Variants in DCUN1D4 observed in about 807,000 individuals in gnomAD.
DCUN1D4 encodes defective in cullin neddylation 1 domain containing 4, also known as DCN1-like protein 4.
DCUN1D4 carries 22 observed loss-of-function variants against 47.9 expected under a neutral mutation model. The ratio of observed to expected loss-of-function variants is 0.46; its 90% CI spans 0.33 to 0.66. DCUN1D4 has a LOEUF of 0.66. Among genes scored for constraint, DCUN1D4 ranks in the 30% least tolerant of loss-of-function variants. The probability of loss-of-function intolerance (pLI) is 0.02; values close to 1 mark genes in which losing one functional copy is unlikely to be tolerated. For missense variants in DCUN1D4, 301 were observed against 340.8 expected, an observed-to-expected ratio of 0.88 and a Z score of 0.92; for synonymous variants, 121 against 112.2, an observed-to-expected ratio of 1.08 and a Z score of -0.50.
intron 5 of DCUN1D4, 36 bp from the exon 6 acceptor site, chr4:51,886,532 G>A: frequency 1.9e-6 from 3 of 1,578,468 alleles, no homozygotes; most frequent in Non-Finnish European, 2.6e-6. Context: ...TGGTGTGCAT[G>A]GTCAGATTTA....
chr4:51,834,114 C>CTT, the DCUN1D4 span, among the ~76,000 whole-genome samples: 15 of 37,198 alleles, frequency 4.0e-4, no homozygotes, highest in South Asian at 1.4e-3. Context: ...TTTTTTTTTT[C>CTT]TTTTTTTTTT....
chr4:51,900,417 G>A (rs1405667071), intron 8 of DCUN1D4, among the ~76,000 whole-genome samples: 1 of 151,914 alleles, frequency 6.6e-6, no homozygotes, highest in African/African-American at 2.4e-5. Context: ...TGATAAAATG[G>A]CATTTGCATA....
intron 3 of DCUN1D4, among the ~76,000 whole-genome samples, chr4:51,869,947 T>C (rs1726615853): frequency 6.6e-6 from 1 of 151,872 alleles, no homozygotes; most frequent in African/African-American, 2.4e-5. Context: ...ATAATAATCT[T>C]TGGGCAAAAA....
intron 7 of DCUN1D4, among the ~76,000 whole-genome samples, chr4:51,893,897 C>A (rs915761743): frequency 6.6e-6 from 1 of 152,136 alleles, no homozygotes; most frequent in African/African-American, 2.4e-5. Flanking sequence ...GTACTGAGTT[C>A]TTTACGAAAG....
At position 51,915,945 on chromosome 4, in the gene DCUN1D4, G is replaced by A. The variant is rs567319438; in HGVS notation, c.*2361G>A. 6.6e-6 allele frequency: 1 copy of A among 152,526 alleles called. No homozygotes were observed. The highest frequency in any genetic ancestry group is 6.5e-5 in the Admixed American group (1 of 15,270). 9.4% of individuals were successfully genotyped at this position (152,526 alleles called of 1,614,324 possible). ...ACCTCTTTGACTGCTGAGCGGCAGA[G>A]TGCTTACCCTTGATTGTCTTGATTT... On this transcript the variant is annotated 3_prime_UTR_variant, in exon 11 of 11. Coordinates refer to ENST00000334635, the MANE Select transcript of DCUN1D4 (RefSeq NM_001040402.3).
chr4:51,860,915 G>A (rs140220485), intron 1 of DCUN1D4, among the ~76,000 whole-genome samples: 16 of 152,244 alleles, frequency 1.1e-4, no homozygotes, highest in African/African-American at 3.9e-4. Context: ...CTCTGACCTT[G>A]GGATCATTGA....
At chr4:51,834,042 T>TTCTCTCTCTCTCTCTC in the DCUN1D4 span, among the ~76,000 whole-genome samples, 1 of 51,882 alleles carries the variant, frequency 1.9e-5, no homozygotes, top group Non-Finnish European at 3.2e-5. Flanking sequence ...TTAGGAGTCT[T>TTCTCTCTCTCTCTCTC]TCTCTCTCTC....
At chr4:51,872,857 G>T (rs1727110225) in intron 3 of DCUN1D4, among the ~76,000 whole-genome samples, 1 of 152,244 alleles carries the variant, frequency 6.6e-6, no homozygotes, top group South Asian at 2.1e-4. Flanking sequence ...AGTGAATGCT[G>T]AAGGCCGCCA....
intron 1 of DCUN1D4, among the ~76,000 whole-genome samples, chr4:51,849,823 C>T (rs1425429129): frequency 7.0e-6 from 1 of 142,880 alleles, no homozygotes; most frequent in Non-Finnish European, 1.5e-5. Flanking sequence ...GGAATATTAG[C>T]TACAGAAATA....
At chr4:51,843,725 G>A (rs2109771615) in intron 1 of DCUN1D4, 1 of 1,219,736 alleles carries the variant, frequency 8.2e-7, no homozygotes, top group Non-Finnish European at 1.0e-6. Flanking sequence ...GGTGCGGGCG[G>A]CTCCGTGAGA....
At chr4:51,843,525 T>C in intron 1 of DCUN1D4, 1 of 1,176,072 alleles carries the variant, frequency 8.5e-7, no homozygotes, top group South Asian at 2.9e-5. Flanking sequence ...TCTCTTTCAG[T>C]GTTGGGGGAA....
intron 8 of DCUN1D4, among the ~76,000 whole-genome samples, chr4:51,899,603 G>A (rs757097068): frequency 2.6e-5 from 4 of 152,144 alleles, no homozygotes; most frequent in Non-Finnish European, 5.9e-5. Flanking sequence ...ACGTTTACTG[G>A]CTCTTGGAAT....
intron 3 of DCUN1D4, among the ~76,000 whole-genome samples, chr4:51,867,486 G>T (rs540993496): frequency 1.3e-5 from 2 of 152,260 alleles, no homozygotes; most frequent in East Asian, 3.9e-4. Flanking sequence ...AAGGTGTAGA[G>T]GAGCTTCATT....
chr4:51,853,612 G>A (rs1723686661), intron 1 of DCUN1D4, among the ~76,000 whole-genome samples: 1 of 152,172 alleles, frequency 6.6e-6, no homozygotes, highest in South Asian at 2.1e-4. Context: ...TACTTCTCTG[G>A]TTGCATGTTA....
rs1351125990 is a variant in DCUN1D4 at position 51,913,916 on chromosome 4, TA to T, written c.*337del. On this transcript the variant is annotated 3_prime_UTR_variant, in exon 11 of 11. Coordinates refer to ENST00000334635, the MANE Select transcript of DCUN1D4 (RefSeq NM_001040402.3). ...GAGATTATTTCTGAAAAATGTATTG[TA>T]AAAATAATTTTGTGGCATTTCTAGT... 1 of 220,750 alleles carries T rather than the reference TA, an allele frequency of 4.5e-6. No homozygotes were observed. The highest frequency in any genetic ancestry group is 2.3e-5 in the African/African-American group (1 of 43,914). The allele number at this position is 220,750 out of a possible 1,614,324, so 13.7% of individuals were successfully genotyped here.
intron 8 of DCUN1D4, 58 bp downstream of exon 8, chr4:51,899,436 G>T: frequency 6.6e-7 from 1 of 1,522,944 alleles, no homozygotes; most frequent in Non-Finnish European, 8.8e-7. Context: ...TTTTTAAATT[G>T]CCTTTTGAGG....
the DCUN1D4 span, among the ~76,000 whole-genome samples, chr4:51,836,011 A>G: frequency 2.6e-5 from 4 of 152,130 alleles, no homozygotes; most frequent in Admixed American, 2.6e-4. Flanking sequence ...TTAACCCACC[A>G]GCCCCCTAAC....
upstream of DCUN1D4, among the ~76,000 whole-genome samples, chr4:51,838,263 T>A (rs1267405193): frequency 6.6e-6 from 1 of 152,154 alleles, no homozygotes; most frequent in African/African-American, 2.4e-5. Context: ...GTAAAATAAA[T>A]AAGAATTTAG....
At position 51,877,954 on chromosome 4, in the gene DCUN1D4, G is replaced by GGT. The variant is rs149283691; in HGVS notation, c.343+117_343+118dup. The GGT allele has an allele frequency of 2.8e-3, 2,077 of 729,034 alleles. 4 individuals are homozygous for GGT. The highest frequency in any genetic ancestry group is 0.018 in the East Asian group (602 of 33,866). 45.2% of individuals were successfully genotyped at this position (729,034 alleles called of 1,614,324 possible). A position where few individuals can be genotyped will look rare whatever the true frequency, so the allele number is the denominator to read the frequency against. ...TAAAAATGTGTACATTTCAAATTTG[G>GGT]GTGTGTGTGTGTGTGTGTCCCTGTT... On this transcript the variant is annotated intron_variant, in intron 5 of 10. Transcript: ENST00000334635.
Sources: gnomAD v4.1 joint callset for allele counts (sites outside exome capture counted in the v4.1 genomes callset) on GRCh38, gnomAD v4.1.1 for gene constraint, MANE v1.5 for transcripts, NCBI Gene and HGNC (gene_info 2026-07-23, HGNC 2026-07-21) for gene names.